Variants in TMPRSS11D observed in about 807,000 individuals in gnomAD.
TMPRSS11D encodes transmembrane serine protease 11D.
A neutral mutation model predicts 44.4 loss-of-function variants in TMPRSS11D; 32 were observed. The ratio of observed to expected loss-of-function variants is 0.72; its 90% confidence interval spans 0.54 to 0.97. The LOEUF is 0.97. Among genes scored for constraint, TMPRSS11D ranks in the 50% least tolerant of loss-of-function variants. TMPRSS11D has a pLI of 0.00. For missense variants in TMPRSS11D, 446 were observed against 502.6 expected, an observed-to-expected ratio of 0.89 and a Z score of 1.08; for synonymous variants, 179 against 177.9, an observed-to-expected ratio of 1.01 and a Z score of -0.05.
intron 3 of TMPRSS11D, among the ~76,000 whole-genome samples, chr4:67,847,253 T>C (rs185808069): frequency 6.6e-6 from 1 of 152,248 alleles, no homozygotes; most frequent in Non-Finnish European, 1.5e-5. Flanking sequence ...ATGTTGTGTG[T>C]GTGTATGTGT....
At chr4:67,858,010 C>T (rs1294183338) in intron 2 of TMPRSS11D, among the ~76,000 whole-genome samples, 1 of 151,820 alleles carries the variant, frequency 6.6e-6, no homozygotes, top group East Asian at 1.9e-4. Flanking sequence ...ATTAAAACAA[C>T]AAAAACAACA....
At position 67,842,590 on chromosome 4, in the gene TMPRSS11D, A is replaced by T. The variant is rs1280880623; in HGVS notation, c.285T>A (p.Asn95Lys). Residue 95 changes from asparagine to lysine, a missense_variant, in exon 4 of 10, where the codon AAT becomes AAA. Transcript: ENST00000283916. ...TGGCAACATGAGCTCTGATGAACTG[A>T]TTTCTTAAATTTGATTCTTTGAATG... The part of the protein sequence containing the change: ...TKTFKESNLR[N>K]QFIRAHVAKL... 6.2e-7 allele frequency: 1 copy of T among 1,606,064 alleles called. No individual in the cohort carries two copies. The highest frequency in any genetic ancestry group is 2.2e-5 in the East Asian group (1 of 44,774).
chr4:67,879,431 C>T (rs56242031), intron 1 of TMPRSS11D, among the ~76,000 whole-genome samples: 1,758 of 142,906 alleles, frequency 0.012, 28 homozygotes, highest in African/African-American at 0.035. Context: ...CAGATAAGGC[C>T]ACTGCACTCC....
intron 1 of TMPRSS11D, among the ~76,000 whole-genome samples, chr4:67,872,764 A>T (rs1170366812): frequency 6.6e-6 from 1 of 152,190 alleles, no homozygotes; most frequent in Non-Finnish European, 1.5e-5. Flanking sequence ...TTCAGGTTTC[A>T]ATGCTATTTC....
rs928218081 is a variant in TMPRSS11D at position 67,842,467 on chromosome 4, G to A, written c.317+91C>T. On this transcript the variant is annotated intron_variant, in intron 4 of 9. Transcript: ENST00000283916. Reference sequence around the variant, plus strand: ...TTCATAATATTACAACAACTTATCTGAACATGTCATTTACTATTCATTCTG... The same window carrying A: ...TTCATAATATTACAACAACTTATCTAAACATGTCATTTACTATTCATTCTG... The A allele has an allele frequency of 6.9e-6, 8 of 1,153,822 alleles. No homozygotes were observed. The African/African-American group carries it at 1.1e-4, about 16-fold the overall frequency. The allele number at this position is 1,153,822 out of a possible 1,614,324, so 71.5% of individuals were successfully genotyped here.
intron 7 of TMPRSS11D, 151 bp downstream of exon 7, chr4:67,833,053 T>A (rs1440540482): frequency 1.5e-6 from 1 of 686,034 alleles, no homozygotes; most frequent in Non-Finnish European, 2.1e-6. Flanking sequence ...AGGGGAAAAA[T>A]CCTTTTCCTT....
intron 1 of TMPRSS11D, among the ~76,000 whole-genome samples, chr4:67,883,187 T>C (rs1349411556): frequency 2.0e-5 from 3 of 152,064 alleles, no homozygotes; most frequent in Non-Finnish European, 4.4e-5. Flanking sequence ...GCATGACTTA[T>C]CAGTATCATG....
chr4:67,857,671 A>G (rs1272571905), intron 2 of TMPRSS11D, among the ~76,000 whole-genome samples: 1 of 152,168 alleles, frequency 6.6e-6, no homozygotes, highest in Non-Finnish European at 1.5e-5. Flanking sequence ...GATCTCATCA[A>G]TGTAGAGAGT....
chr4:67,823,695 G>A (rs1717708522), intron 9 of TMPRSS11D, among the ~76,000 whole-genome samples: 1 of 152,096 alleles, frequency 6.6e-6, no homozygotes, highest in South Asian at 2.1e-4. Context: ...GGGGAGAAGG[G>A]TCAGTGTGTG....
chr4:67,833,424 C>T (rs1023959018), intron 6 of TMPRSS11D, 43 bp from the exon 7 acceptor site: 24 of 1,371,012 alleles, frequency 1.8e-5, no homozygotes, highest in Non-Finnish European at 2.3e-5. Context: ...ATCATGATTC[C>T]TTTACATTTG....
intron 5 of TMPRSS11D, 55 bp from the exon 6 acceptor site, chr4:67,835,176 C>T (rs1718046218): frequency 6.7e-7 from 1 of 1,499,850 alleles, no homozygotes; most frequent in African/African-American, 1.4e-5. Context: ...TATCATTTCA[C>T]CATAATTTCT....
chr4:67,867,120 G>A (rs1488068611), intron 1 of TMPRSS11D, among the ~76,000 whole-genome samples: 1 of 151,930 alleles, frequency 6.6e-6, no homozygotes, highest in South Asian at 2.1e-4. Flanking sequence ...CATCATACTG[G>A]CATAAAAATA....
chr4:67,849,851 A>G (rs762171286), intron 3 of TMPRSS11D, among the ~76,000 whole-genome samples: 27 of 152,268 alleles, frequency 1.8e-4, no homozygotes, highest in Admixed American at 1.6e-3. Context: ...CCTGGTTTGA[A>G]TTCTCATTAT....
intron 4 of TMPRSS11D, among the ~76,000 whole-genome samples, chr4:67,838,534 C>T (rs932160296): frequency 1.3e-5 from 2 of 152,070 alleles, no homozygotes; most frequent in African/African-American, 4.8e-5. Flanking sequence ...GAACACTGTA[C>T]TCACTGTAGG....
intron 9 of TMPRSS11D, among the ~76,000 whole-genome samples, chr4:67,824,685 A>G (rs2109654994): frequency 6.6e-6 from 1 of 152,242 alleles, no homozygotes; most frequent in Admixed American, 6.5e-5. Context: ...AAATGTGAGA[A>G]CTACTTTTTA....
At chr4:67,851,328 G>A (rs1718503724) in intron 3 of TMPRSS11D, among the ~76,000 whole-genome samples, 1 of 152,176 alleles carries the variant, frequency 6.6e-6, no homozygotes, top group African/African-American at 2.4e-5. Context: ...AACAACTGGG[G>A]ATCCAGATCT....
chr4:67,874,573 T>C (rs1719138432), intron 1 of TMPRSS11D, among the ~76,000 whole-genome samples: 1 of 152,062 alleles, frequency 6.6e-6, no homozygotes, highest in African/African-American at 2.4e-5. Context: ...GTTAAAAATG[T>C]TGGAGATGGG....
intron 6 of TMPRSS11D, 146 bp from the exon 7 acceptor site, chr4:67,833,527 A>G: frequency 1.5e-6 from 1 of 662,696 alleles, no homozygotes; most frequent in Non-Finnish European, 2.2e-6. Flanking sequence ...AGCATGATCG[A>G]TATATTTCTA....
chr4:67,879,736 C>A (rs967188176), intron 1 of TMPRSS11D, among the ~76,000 whole-genome samples: 5 of 152,012 alleles, frequency 3.3e-5, no homozygotes, highest in African/African-American at 1.2e-4. Context: ...AGATCAGAAA[C>A]TATTTGCACT....
Sources: gnomAD v4.1 joint callset for allele counts (sites outside exome capture counted in the v4.1 genomes callset) on GRCh38, gnomAD v4.1.1 for gene constraint, MANE v1.5 for transcripts, NCBI Gene and HGNC (gene_info 2026-07-23, HGNC 2026-07-21) for gene names.